KIAA1328: variants seen among roughly 807,000 people sequenced by gnomAD.
The protein encoded by KIAA1328 is protein hinderin.
Under a neutral mutation model 68.1 loss-of-function variants are expected in KIAA1328, and 52 were observed. That is an observed-to-expected ratio of 0.76 (90% CI 0.61 to 0.96). KIAA1328 has a LOEUF of 0.96. KIAA1328 is among the 40% of genes least tolerant of loss of function. The probability of loss-of-function intolerance (pLI) is 0.00; values close to 1 mark genes in which losing one functional copy is unlikely to be tolerated. For synonymous variants in KIAA1328, 232 were observed against 239.4 expected, an observed-to-expected ratio of 0.97 and a Z score of 0.28; for missense variants, 641 against 677.6, an observed-to-expected ratio of 0.95 and a Z score of 0.60.
intron 9 of KIAA1328, among the ~76,000 whole-genome samples, chr18:37,221,433 A>G (rs2060560862): frequency 6.6e-6 from 1 of 152,216 alleles, no homozygotes; most frequent in Admixed American, 6.5e-5. Context: ...AAATGGTAGA[A>G]CAGAGATTTG....
rs2058227068 is a variant in KIAA1328, at chr18:37,120,037, G to A, written c.1233-40163G>A. On this transcript the variant is annotated intron_variant, in intron 7 of 9. Transcript: ENST00000280020. ...TTGACTTCAGGGGAAACTGGATGAAGGGTATATGGCAACTCTCCTGATTAT... is the reference window on the plus strand; with the variant it reads ...TTGACTTCAGGGGAAACTGGATGAAAGGTATATGGCAACTCTCCTGATTAT... Among the ~76,000 whole-genome samples, 3 of 152,294 alleles carry A rather than the reference G, an allele frequency of 2.0e-5. No individual in the cohort carries two copies. In the South Asian group the frequency reaches 6.2e-4, roughly 32 times the overall value.
chr18:36,890,816 C>A (rs2048662108), intron 5 of KIAA1328, among the ~76,000 whole-genome samples: 1 of 152,130 alleles, frequency 6.6e-6, no homozygotes, highest in Non-Finnish European at 1.5e-5. Flanking sequence ...ATCAGATATT[C>A]TCCTAGTTCA....
At chr18:36,890,253 A>C (rs2150997191) in intron 5 of KIAA1328, among the ~76,000 whole-genome samples, 1 of 151,824 alleles carries the variant, frequency 6.6e-6, no homozygotes, top group South Asian at 2.1e-4. Context: ...AAAAAAGCAA[A>C]ATCACCTTTA....
chr18:37,068,411 A>T (rs973998020), intron 7 of KIAA1328, among the ~76,000 whole-genome samples: 1 of 152,236 alleles, frequency 6.6e-6, no homozygotes, highest in Admixed American at 6.5e-5. Flanking sequence ...CTTCCTAAGA[A>T]CAGTGCTTCA....
chr18:37,097,756 G>C (rs2057458341), intron 7 of KIAA1328, among the ~76,000 whole-genome samples: 1 of 152,118 alleles, frequency 6.6e-6, no homozygotes, highest in South Asian at 2.1e-4. Context: ...TCATTGAGCA[G>C]TGGTTTGTAG....
At chr18:36,872,427 A>G (rs780351722) in intron 4 of KIAA1328, among the ~76,000 whole-genome samples, 18 of 152,154 alleles carry the variant, frequency 1.2e-4, no homozygotes, top group Non-Finnish European at 2.2e-4. Flanking sequence ...CTAAGAGGAA[A>G]CTCATAAAGC....
intron 9 of KIAA1328, among the ~76,000 whole-genome samples, chr18:37,192,603 A>G (rs553407832): frequency 6.6e-6 from 1 of 152,322 alleles, no homozygotes; most frequent in African/African-American, 2.4e-5. Flanking sequence ...CCTAGCAAGT[A>G]ATATTCTCTG....
At chr18:37,087,392 CT>C (rs2057136860) in intron 7 of KIAA1328, among the ~76,000 whole-genome samples, 1 of 152,136 alleles carries the variant, frequency 6.6e-6, no homozygotes, top group Non-Finnish European at 1.5e-5. Context: ...ACATCTTATT[CT>C]TAGAAAGGCC....
intron 7 of KIAA1328, among the ~76,000 whole-genome samples, chr18:37,115,684 GAAAT>G (rs1231065059): frequency 2.1e-4 from 32 of 152,290 alleles, no homozygotes; most frequent in Admixed American, 2.1e-3. Flanking sequence ...GCTGGAGAAA[GAAAT>G]AAAAGTATTC....
intron 7 of KIAA1328, among the ~76,000 whole-genome samples, chr18:37,123,392 G>T (rs2058317986): frequency 6.6e-6 from 1 of 152,084 alleles, no homozygotes; most frequent in East Asian, 1.9e-4. Flanking sequence ...AAAAAAAAGA[G>T]AAGCTTGATT....
chr18:37,139,128 TA>T (rs914924616), intron 7 of KIAA1328, among the ~76,000 whole-genome samples: 6 of 151,922 alleles, frequency 3.9e-5, no homozygotes, highest in African/African-American at 1.5e-4. Flanking sequence ...GGCTAACTTT[TA>T]TTTTTTTGTA....
At chr18:37,164,013 G>C (rs1025789273) in intron 8 of KIAA1328, among the ~76,000 whole-genome samples, 50 of 152,310 alleles carry the variant, frequency 3.3e-4, no homozygotes, top group African/African-American at 9.4e-4. Context: ...CTAGTGTTAA[G>C]AGTTAATGTT....
chr18:37,226,774 A>ATTT (rs56834709), downstream of KIAA1328, among the ~76,000 whole-genome samples: 35,736 of 134,238 alleles, frequency 0.27, 7,346 homozygotes, highest in African/African-American at 0.59. Context: ...CATGCAAAAC[A>ATTT]TTTTTTTTTT....
chr18:37,110,309 G>T (rs963615301), intron 7 of KIAA1328, among the ~76,000 whole-genome samples: 1 of 152,180 alleles, frequency 6.6e-6, no homozygotes, highest in African/African-American at 2.4e-5. Flanking sequence ...GTATTTTGCA[G>T]TATGAGGTGA....
In KIAA1328 at chr18:36,916,682, G is replaced by A. The variant is rs150507555; in HGVS notation, c.448+31010G>A. ...GTCAGGAGCTATTATCATCTCCATCGTACAGATAAGTAAGGAGGCACAGAG... is the reference window on the plus strand; with the variant it reads ...GTCAGGAGCTATTATCATCTCCATCATACAGATAAGTAAGGAGGCACAGAG... On this transcript the variant is annotated intron_variant, in intron 5 of 9. Coordinates refer to ENST00000280020, the MANE Select transcript of KIAA1328 (RefSeq NM_020776.3). Among the ~76,000 whole-genome samples the A allele has an allele frequency of 3.3e-4, 50 of 152,198 alleles. No homozygotes were observed. The East Asian group carries it at 7.2e-3, about 22-fold the overall frequency.
chr18:36,959,703 A>G (rs2051578848), intron 6 of KIAA1328, among the ~76,000 whole-genome samples: 1 of 152,208 alleles, frequency 6.6e-6, no homozygotes, highest in Non-Finnish European at 1.5e-5. Flanking sequence ...CAGAAGGGTA[A>G]AGAAAACACT....
intron 9 of KIAA1328, among the ~76,000 whole-genome samples, chr18:37,179,960 G>A: frequency 6.6e-6 from 1 of 151,470 alleles, no homozygotes; most frequent in Non-Finnish European, 1.5e-5. Flanking sequence ...TTGAAGAGAA[G>A]GGAAAGTCAC....
intron 5 of KIAA1328, among the ~76,000 whole-genome samples, chr18:36,949,417 T>C (rs1466836010): frequency 1.3e-5 from 2 of 152,164 alleles, no homozygotes; most frequent in African/African-American, 2.4e-5. Flanking sequence ...GGCACATTGA[T>C]AGCCTGCTTT....
chr18:36,864,422 C>T (rs969906019), intron 4 of KIAA1328, among the ~76,000 whole-genome samples: 7 of 151,968 alleles, frequency 4.6e-5, no homozygotes, highest in African/African-American at 1.7e-4. Context: ...CTGCCTCAGC[C>T]TCCTGAGTAG....
Sources: gnomAD v4.1 joint callset for allele counts (sites outside exome capture counted in the v4.1 genomes callset) on GRCh38, gnomAD v4.1.1 for gene constraint, MANE v1.5 for transcripts, NCBI Gene and HGNC (gene_info 2026-07-23, HGNC 2026-07-21) for gene names.